The following FKBP7 variants were observed in gnomAD, a reference collection of about 807,000 sequenced individuals.
The protein encoded by FKBP7 is FKBP prolyl isomerase 7.
A neutral mutation model predicts 24.3 loss-of-function variants in FKBP7; 24 were observed. The observed-to-expected ratio is 0.99, with a 90% confidence interval of 0.72 to 1.39. The LOEUF is 1.39. Among genes scored for constraint, FKBP7 ranks in the 40% most tolerant of loss-of-function variants. FKBP7 has a pLI of 0.00. For synonymous variants in FKBP7, 98 were observed against 92.8 expected, an observed-to-expected ratio of 1.06 and a Z score of -0.32; for missense variants, 257 against 269.5, an observed-to-expected ratio of 0.95 and a Z score of 0.33.
chr2:178,469,596 G>A lies in FKBP7; in HGVS notation c.507+56C>T, dbSNP rs906755444. On this transcript the variant is annotated intron_variant, in intron 3 of 3. Transcript: ENST00000424785. Reference sequence around the variant, plus strand: ...AAAAAGTAATAGTTGTAACACAGATGTATTTAAACTGTGATAAAAAAATTA... The same window carrying A: ...AAAAAGTAATAGTTGTAACACAGATATATTTAAACTGTGATAAAAAAATTA... 5 of 1,566,230 alleles carry A rather than the reference G, an allele frequency of 3.2e-6. No individual in the cohort carries two copies. In the African/African-American group the frequency reaches 4.1e-5, roughly 13 times the overall value.
intron 3 of FKBP7, among the ~76,000 whole-genome samples, chr2:178,468,428 G>A (rs1245118307): frequency 6.6e-6 from 1 of 151,736 alleles, no homozygotes; most frequent in African/African-American, 2.4e-5. Flanking sequence ...TGAAGAAGGA[G>A]AATCACTTGA....
At chr2:178,468,099 A>C (rs994410724) in intron 3 of FKBP7, among the ~76,000 whole-genome samples, 1 of 152,162 alleles carries the variant, frequency 6.6e-6, no homozygotes, top group African/African-American at 2.4e-5. Flanking sequence ...TTGGAGAGGG[A>C]GATGAAAAAG....
At chr2:178,473,798 A>G (rs1684924342) in intron 2 of FKBP7, among the ~76,000 whole-genome samples, 1 of 152,272 alleles carries the variant, frequency 6.6e-6, no homozygotes, top group Non-Finnish European at 1.5e-5. Context: ...CAACATTTTT[A>G]GCACAAGTAT....
chr2:178,467,476 C>A (rs1428048700), intron 3 of FKBP7, among the ~76,000 whole-genome samples: 1 of 151,898 alleles, frequency 6.6e-6, no homozygotes, highest in East Asian at 1.9e-4. Flanking sequence ...CAGGCTTTGT[C>A]TTGGATTTGC....
intron 1 of FKBP7, 74 bp from the exon 2 acceptor site, chr2:178,477,287 ATTGGAGTCCTC>A: frequency 6.8e-7 from 1 of 1,467,226 alleles, no homozygotes; most frequent in Non-Finnish European, 9.4e-7. Context: ...GGCATTTAAA[ATTGGAGTCCTC>A]TCTAACCATC....
In FKBP7 at chr2:178,478,543, G is replaced by T. The variant is rs1248929260; in HGVS notation, c.-44C>A. On this transcript the variant is annotated 5_prime_UTR_variant, in exon 1 of 4. Coordinates refer to ENST00000424785, the MANE Select transcript of FKBP7 (RefSeq NM_181342.3). ...GCTCTCCCTCCCGCGTGTCACTCGC[G>T]CCCCGTGGATGTCCCGCGGCCGAGT... The T allele has an allele frequency of 1.2e-6, 2 of 1,607,048 alleles. No homozygotes were observed. The highest frequency in any genetic ancestry group is 3.4e-5 in the Admixed American group (2 of 59,364).
chr2:178,464,587 C>G lies in FKBP7; in HGVS notation c.*1183G>C, dbSNP rs1432211765. The G allele has an allele frequency of 6.6e-6, 1 of 152,214 alleles. No homozygotes were observed. The highest frequency in any genetic ancestry group is 1.5e-5 in the Non-Finnish European group (1 of 68,054). 9.4% of individuals were successfully genotyped at this position (152,214 alleles called of 1,614,324 possible). Reference sequence around the variant, plus strand: ...ACCCCCATGATTCAGTTACCTCCACCTGGTCTCTCCATTGACATGTGGGGA... The same window carrying G: ...ACCCCCATGATTCAGTTACCTCCACGTGGTCTCTCCATTGACATGTGGGGA... On this transcript the variant is annotated 3_prime_UTR_variant, in exon 4 of 4. Transcript: ENST00000424785.
chr2:178,477,123 G>A lies in FKBP7; in HGVS notation c.312C>T (p.Cys104=). Residue 104 remains cysteine (C), a synonymous_variant, in exon 2 of 4, where the codon TGC becomes TGT. Transcript: ENST00000424785. The part of the protein sequence containing the change: ...KGLDIAMTDM[C]PGEKRKVVIP... ...TAACTACTTTTCGCTTTTCTCCAGG[G>A]CACATATCTGTCATAGCAATGTCTA... 1 of 1,612,528 alleles carries A rather than the reference G, an allele frequency of 6.2e-7. No individual in the cohort carries two copies. The highest frequency in any genetic ancestry group is 8.5e-7 in the Non-Finnish European group (1 of 1,179,276).
chr2:178,470,329 C>T (rs1006468759), intron 2 of FKBP7, among the ~76,000 whole-genome samples: 1 of 152,150 alleles, frequency 6.6e-6, no homozygotes, highest in African/African-American at 2.4e-5. Context: ...TTAAAGTACA[C>T]CGGAAGATGT....
At chr2:178,466,337 C>T (rs1458428203) in intron 3 of FKBP7, among the ~76,000 whole-genome samples, 1 of 152,102 alleles carries the variant, frequency 6.6e-6, no homozygotes, top group African/African-American at 2.4e-5. Context: ...ATCAATAAAA[C>T]ACAACCATGG....
chr2:178,466,107 G>T (rs1397286797), intron 3 of FKBP7, among the ~76,000 whole-genome samples, 176 bp from the exon 4 acceptor site: 1 of 152,118 alleles, frequency 6.6e-6, no homozygotes, highest in East Asian at 1.9e-4. Flanking sequence ...GCAATGTTTT[G>T]GAGAGAAACA....
chr2:178,478,252 G>T, intron 1 of FKBP7, 27 bp downstream of exon 1: 2 of 1,612,290 alleles, frequency 1.2e-6, no homozygotes, highest in South Asian at 2.2e-5. Context: ...GCAACTGGAC[G>T]CACGGGCAGC....
At chr2:178,466,721 C>G (rs1033573497) in intron 3 of FKBP7, among the ~76,000 whole-genome samples, 10 of 151,950 alleles carry the variant, frequency 6.6e-5, no homozygotes, top group African/African-American at 2.4e-4. Context: ...ATTAATTTCA[C>G]CTGTATCTTT....
intron 3 of FKBP7, among the ~76,000 whole-genome samples, chr2:178,468,701 A>G (rs770031630): frequency 6.6e-6 from 1 of 152,080 alleles, no homozygotes; most frequent in African/African-American, 2.4e-5. Flanking sequence ...CTACTGTGTG[A>G]TTTTTGGCTG....
Position 178,463,963 on chromosome 2 carries a change from G to A in FKBP7, c.*1807C>T, listed in dbSNP as rs1238235403. 1 of 152,148 alleles carries A rather than the reference G, an allele frequency of 6.6e-6. No homozygotes were observed. The highest frequency in any genetic ancestry group is 2.4e-5 in the African/African-American group (1 of 41,438). The allele number at this position is 152,148 out of a possible 1,614,324, so 9.4% of individuals were successfully genotyped here. ...AGGCGATGAAAGAGTAAATGATTAAGCATGTGAAAAAGTATTAGAAAATTG... is the reference window on the plus strand; with the variant it reads ...AGGCGATGAAAGAGTAAATGATTAAACATGTGAAAAAGTATTAGAAAATTG... On this transcript the variant is annotated 3_prime_UTR_variant, in exon 4 of 4. Transcript: ENST00000424785.
chr2:178,469,713 C>A lies in FKBP7; in HGVS notation c.446G>T (p.Arg149Leu). 1.9e-6 allele frequency: 3 copies of A among 1,613,930 alleles called. No homozygotes were observed. Among genetic ancestry groups the A allele is most frequent in the Non-Finnish European group, 2.5e-6 (3 of 1,179,930 alleles). ...TATTTGTTTAAATGTCTCAATGCTC[C>A]GTGGTCCTTTGGTCACAGCATAAAG... The part of the protein sequence containing the change: ...IELYAVTKGP[R>L]SIETFKQIDM... Residue 149 changes from arginine (R) to leucine (L), a missense_variant, in exon 3 of 4, where the codon CGG becomes CTG. Coordinates refer to ENST00000424785, the MANE Select transcript of FKBP7 (RefSeq NM_181342.3).
chr2:178,473,758 A>G (rs995717091), intron 2 of FKBP7, among the ~76,000 whole-genome samples: 2 of 152,214 alleles, frequency 1.3e-5, no homozygotes, highest in African/African-American at 4.8e-5. Context: ...TGCCTCCAAC[A>G]TTTTGCCTAG....
intron 3 of FKBP7, among the ~76,000 whole-genome samples, chr2:178,466,157 G>A (rs551429674): frequency 2.0e-5 from 3 of 152,286 alleles, no homozygotes; most frequent in Non-Finnish European, 4.4e-5. Context: ...TAGATGGTTA[G>A]TGGTACATAC....
chr2:178,475,593 T>A (rs1684978001), intron 2 of FKBP7, among the ~76,000 whole-genome samples: 1 of 152,238 alleles, frequency 6.6e-6, no homozygotes, highest in East Asian at 1.9e-4. Context: ...CCAGCAATAA[T>A]GCTGGTTTTT....
Sources: gnomAD v4.1 joint callset for allele counts (sites outside exome capture counted in the v4.1 genomes callset) on GRCh38, gnomAD v4.1.1 for gene constraint, MANE v1.5 for transcripts, NCBI Gene and HGNC (gene_info 2026-07-23, HGNC 2026-07-21) for gene names.